The following DAP3 variants were observed in gnomAD, a reference collection of about 807,000 sequenced individuals.
DAP3 encodes death associated protein 3.
Under a neutral mutation model 51.9 loss-of-function variants are expected in DAP3, and 28 were observed. That is an observed-to-expected ratio of 0.54 (90% CI 0.40 to 0.74). The LOEUF is 0.74. Among genes scored for constraint, DAP3 ranks in the 30% least tolerant of loss-of-function variants. The pLI is 0.00. For synonymous variants in DAP3, 170 were observed against 170.3 expected (o/e 1.00, Z 0.01); for missense variants, 458 against 483.5 (o/e 0.95, Z 0.49).
rs556019534 is a variant in DAP3, at chr1:155,691,450, T to C, written c.-8+2276T>C. Among the ~76,000 whole-genome samples, 41 of 142,430 alleles carry C rather than the reference T, an allele frequency of 2.9e-4. 2 individuals are homozygous for C. Among genetic ancestry groups the C allele is most frequent in the Non-Finnish European group, 5.1e-4 (35 of 68,044 alleles). 93.4% of individuals were successfully genotyped at this position (142,430 alleles called of 152,430 possible). On this transcript the variant is annotated intron_variant, in intron 1 of 12. Transcript: ENST00000368336. Reference sequence around the variant, plus strand: ...AACTTTGTTTCGTATTGCCAAATAATATTCCATTATATGGCTATACCACGT... The same window carrying C: ...AACTTTGTTTCGTATTGCCAAATAACATTCCATTATATGGCTATACCACGT...
At chr1:155,729,154 C>T (rs375216873) in intron 8 of DAP3, 32 bp downstream of exon 8, 12 of 1,613,846 alleles carry the variant, frequency 7.4e-6, no homozygotes, top group African/African-American at 1.3e-5. Flanking sequence ...GTGTAACATG[C>T]GATAACAAGA....
intron 11 of DAP3, among the ~76,000 whole-genome samples, chr1:155,734,455 G>A (rs749814697): frequency 3.9e-5 from 6 of 152,006 alleles, no homozygotes; most frequent in Non-Finnish European, 7.4e-5. Flanking sequence ...GGGATTACTG[G>A]CGTGAGCCAC....
At chr1:155,690,994 G>A (rs920141248) in intron 1 of DAP3, among the ~76,000 whole-genome samples, 11 of 141,862 alleles carry the variant, frequency 7.8e-5, no homozygotes, top group Non-Finnish European at 1.3e-4. Flanking sequence ...TGCAAGCTCC[G>A]CCTCCCGGGT....
At chr1:155,719,986 G>A (rs1417054417) in intron 3 of DAP3, among the ~76,000 whole-genome samples, 3 of 152,124 alleles carry the variant, frequency 2.0e-5, no homozygotes, top group African/African-American at 7.2e-5. Context: ...TCCAGTCTGG[G>A]CAACAGGCTT....
rs1270828067 is a variant in DAP3, at chr1:155,710,058, G to C, written c.45+234G>C. 3.0e-5 allele frequency: 12 copies of C among 399,636 alleles called. No individual in the cohort carries two copies. In the East Asian group the frequency reaches 4.0e-4, roughly 13 times the overall value. The allele number at this position is 399,636 out of a possible 1,614,324, so 24.8% of individuals were successfully genotyped here. A position where few individuals can be genotyped will look rare whatever the true frequency, so the allele number is the denominator to read the frequency against. ...TATCTTTATTAACTTTATTTCTCTAGCCAACTAGAGAATGGTTATCATCCC... is the reference window on the plus strand; with the variant it reads ...TATCTTTATTAACTTTATTTCTCTACCCAACTAGAGAATGGTTATCATCCC... On this transcript the variant is annotated intron_variant, in intron 2 of 12. Coordinates refer to ENST00000368336, the MANE Select transcript of DAP3 (RefSeq NM_004632.4).
At position 155,725,496 on chromosome 1, in the gene DAP3, C is replaced by G; in HGVS notation, c.379+6C>G. On this transcript the variant is annotated splice_donor_region_variant and intron_variant, in intron 5 of 12. Coordinates refer to ENST00000368336, the MANE Select transcript of DAP3 (RefSeq NM_004632.4). ...AGCTATACGATATCTTCTGTGTATC[C>G]TTTCCTGCCTGCGTGGACCCTCATG... 6.2e-7 allele frequency: 1 copy of G among 1,610,560 alleles called. No homozygotes were observed. Among genetic ancestry groups the G allele is most frequent in the Non-Finnish European group, 8.5e-7 (1 of 1,176,778 alleles).
chr1:155,711,657 G>A (rs1048974594), intron 2 of DAP3, among the ~76,000 whole-genome samples: 22 of 151,708 alleles, frequency 1.5e-4, no homozygotes, highest in Non-Finnish European at 2.6e-4. Context: ...GCACTAATAG[G>A]ATAGAAGTAT....
intron 11 of DAP3, 47 bp downstream of exon 11, chr1:155,732,080 T>C (rs779851901): frequency 1.4e-5 from 21 of 1,463,528 alleles, no homozygotes; most frequent in Admixed American, 2.3e-5. Flanking sequence ...TTATCCTGTT[T>C]AAAGAAAAAT....
chr1:155,702,439 C>T (rs1163578504), intron 1 of DAP3, among the ~76,000 whole-genome samples: 1 of 151,956 alleles, frequency 6.6e-6, no homozygotes, highest in Admixed American at 6.6e-5. Flanking sequence ...TGAGATCACA[C>T]CAGTGCACTC....
chr1:155,732,233 C>CTTTTT (rs202209826), intron 11 of DAP3, 200 bp downstream of exon 11: 4 of 276,168 alleles, frequency 1.4e-5, no homozygotes, highest in South Asian at 1.1e-4. Flanking sequence ...AGTTTCTTTT[C>CTTTTT]TTTTTTTTTT....
chr1:155,734,111 T>G (rs906952981), intron 11 of DAP3, among the ~76,000 whole-genome samples: 1 of 152,048 alleles, frequency 6.6e-6, no homozygotes, highest in Non-Finnish European at 1.5e-5. Context: ...GGGCCCTGAT[T>G]TTGCCAGTGT....
At chr1:155,724,766 G>C (rs1437869282) in intron 4 of DAP3, among the ~76,000 whole-genome samples, 1 of 152,038 alleles carries the variant, frequency 6.6e-6, no homozygotes, top group African/African-American at 2.4e-5. Context: ...AGACCAGCCT[G>C]ACCAACATGG....
intron 4 of DAP3, among the ~76,000 whole-genome samples, chr1:155,724,496 T>A (rs1236176088): frequency 6.6e-6 from 1 of 151,528 alleles, no homozygotes; most frequent in Non-Finnish European, 1.5e-5. Context: ...CAGCCTGGCA[T>A]GGTGGTGGCA....
chr1:155,694,646 G>A (rs1043074904), intron 1 of DAP3, among the ~76,000 whole-genome samples: 1 of 122,158 alleles, frequency 8.2e-6, no homozygotes, highest in Non-Finnish European at 1.5e-5. Flanking sequence ...TGGAGATCTT[G>A]GTTCCAAAAT....
chr1:155,722,186 A>C (rs1658091872), intron 4 of DAP3, among the ~76,000 whole-genome samples: 1 of 152,120 alleles, frequency 6.6e-6, no homozygotes, highest in Non-Finnish European at 1.5e-5. Flanking sequence ...TGGAAGGATC[A>C]CTTGGGCCCA....
At position 155,717,128 on chromosome 1, in the gene DAP3, G is replaced by A. The variant is rs148684040; in HGVS notation, c.168G>A (p.Pro56=). 21 of 1,613,036 alleles carry A rather than the reference G, an allele frequency of 1.3e-5. No homozygotes were observed. Among genetic ancestry groups the A allele is most frequent in the African/African-American group, 2.7e-5 (2 of 74,776 alleles). ...RAISRTNEND[P]AKHGDQHEGQ... The stretch of plus-strand genomic sequence containing the variant: ...TTTCCCGCACCAATGAGAATGACCC[G>A]GTGAGTTACTAATATGTATATGGGG... Residue 56 remains proline (P), a splice_region_variant and synonymous_variant, in exon 3 of 13, where the codon CCG becomes CCA. Coordinates refer to ENST00000368336, the MANE Select transcript of DAP3 (RefSeq NM_004632.4).
At chr1:155,720,612 C>T (rs1471520215) in intron 3 of DAP3, among the ~76,000 whole-genome samples, 6 of 151,494 alleles carry the variant, frequency 4.0e-5, no homozygotes, top group East Asian at 2.0e-4. Context: ...CGCGCCATTA[C>T]ACTTCGGCCT....
chr1:155,738,977 A>AAATAAATAAAT lies in DAP3; in HGVS notation c.*738_*748dup. 1 of 150,544 alleles carries AAATAAATAAAT rather than the reference A, an allele frequency of 6.6e-6. No individual in the cohort carries two copies. Among genetic ancestry groups the AAATAAATAAAT allele is most frequent in the South Asian group, 2.1e-4 (1 of 4,782 alleles). 9.3% of individuals were successfully genotyped at this position (150,544 alleles called of 1,614,324 possible). ...GCAGAGCAAGACTCCGTCTCAAAAT[A>AAATAAATAAAT]AATAAATAAATAAATAAATAAATAA... On this transcript the variant is annotated 3_prime_UTR_variant, in exon 13 of 13. Transcript: ENST00000368336.
chr1:155,699,323 A>G (rs867315526), intron 1 of DAP3, among the ~76,000 whole-genome samples: 1 of 152,206 alleles, frequency 6.6e-6, no homozygotes, highest in South Asian at 2.1e-4. Context: ...ATCTAGCCAC[A>G]TTCCAATGCT....
Sources: allele counts gnomAD v4.1 joint callset (sites outside exome capture counted in the v4.1 genomes callset), GRCh38; gene constraint gnomAD v4.1.1; transcripts MANE v1.5; gene names NCBI Gene and HGNC (gene_info 2026-07-23, HGNC 2026-07-21).